Variants in LRRTM4 observed in about 807,000 individuals in gnomAD.
LRRTM4 encodes the protein leucine-rich repeat transmembrane neuronal protein 4.
A neutral mutation model predicts 47.6 loss-of-function variants in LRRTM4; 25 were observed. The observed-to-expected ratio is 0.53, with a 90% CI of 0.38 to 0.73. The LOEUF (loss-of-function observed/expected upper bound fraction) is 0.73. Ranked by LOEUF, LRRTM4 falls within the 30% of genes least tolerant of loss-of-function variation. LRRTM4 has a pLI of 0.00. For synonymous variants in LRRTM4, 311 were observed against 269.5 expected, an observed-to-expected ratio of 1.15 and a Z score of -1.51; for missense variants, 638 against 713.4, an observed-to-expected ratio of 0.89 and a Z score of 1.20.
At chr2:77,360,191 C>T (rs1027129579) in intron 3 of LRRTM4, among the ~76,000 whole-genome samples, 1 of 152,234 alleles carries the variant, frequency 6.6e-6, no homozygotes, top group East Asian at 1.9e-4. Flanking sequence ...GGAACAGTGG[C>T]TCACGCCTGT....
chr2:77,192,538 T>C (rs1015277208), intron 3 of LRRTM4, among the ~76,000 whole-genome samples: 19 of 152,124 alleles, frequency 1.2e-4, no homozygotes, highest in Non-Finnish European at 2.6e-4. Context: ...ATAATTTTTC[T>C]AAAAAATGTA....
intron 3 of LRRTM4, among the ~76,000 whole-genome samples, chr2:77,451,256 C>T (rs1258768282): frequency 6.6e-6 from 1 of 152,158 alleles, no homozygotes; most frequent in Non-Finnish European, 1.5e-5. Flanking sequence ...ATCCACTTTC[C>T]TCCAACAGGG....
At chr2:77,470,987 CT>C (rs1352942426) in intron 3 of LRRTM4, among the ~76,000 whole-genome samples, 2 of 152,080 alleles carry the variant, frequency 1.3e-5, no homozygotes, top group Admixed American at 6.6e-5. Flanking sequence ...GTGATTTTCT[CT>C]AGTGTCTTGG....
intron 3 of LRRTM4, among the ~76,000 whole-genome samples, chr2:77,479,657 C>T (rs1021768966): frequency 5.9e-5 from 9 of 152,152 alleles, no homozygotes; most frequent in Non-Finnish European, 1.2e-4. Flanking sequence ...AGGAATCCTG[C>T]CAATTCTTTG....
intron 3 of LRRTM4, among the ~76,000 whole-genome samples, chr2:76,915,368 T>C (rs1674207658): frequency 6.6e-6 from 1 of 152,210 alleles, no homozygotes; most frequent in Non-Finnish European, 1.5e-5. Flanking sequence ...TGGGTAAAGT[T>C]GTGGCAGTGT....
chr2:77,118,838 T>C (rs535824794), intron 3 of LRRTM4, among the ~76,000 whole-genome samples: 1 of 151,846 alleles, frequency 6.6e-6, no homozygotes, highest in South Asian at 2.1e-4. Context: ...AAAGATCAAG[T>C]GAAAAAATCT....
intron 3 of LRRTM4, among the ~76,000 whole-genome samples, chr2:77,114,771 T>C (rs1671342665): frequency 6.6e-6 from 1 of 152,012 alleles, no homozygotes; most frequent in African/African-American, 2.4e-5. Flanking sequence ...AACCAGCAAG[T>C]TTTTATTAGG....
intron 3 of LRRTM4, among the ~76,000 whole-genome samples, chr2:77,293,404 G>A (rs918527687): frequency 6.6e-6 from 1 of 151,938 alleles, no homozygotes; most frequent in Non-Finnish European, 1.5e-5. Context: ...CAGGAAATGG[G>A]GTAAATGAAC....
At position 77,051,349 on chromosome 2, in the gene LRRTM4, T is replaced by A. The variant is rs141379518; in HGVS notation, c.1552-302433A>T. ...ATAAAAGATAATCATAAAAGCAGGA[T>A]CTGTTTAGGGAGAGGCCAAGTGAGA... is the stretch of plus-strand genomic sequence containing the variant. On this transcript the variant is annotated intron_variant, in intron 3 of 3. Transcript: ENST00000409884. 3.8e-3 allele frequency among the ~76,000 whole-genome samples: 585 copies of A among 152,178 alleles called. 5 individuals are homozygous for A. The highest frequency in any genetic ancestry group is 0.013 in the African/African-American group (551 of 41,532).
At position 77,334,859 on chromosome 2, in the gene LRRTM4, G is replaced by A. The variant is rs577115625; in HGVS notation, c.1551+183459C>T. 7.9e-5 allele frequency among the ~76,000 whole-genome samples: 12 copies of A among 152,282 alleles called. No homozygotes were observed. The South Asian group carries it at 2.5e-3, about 32-fold the overall frequency. On this transcript the variant is annotated intron_variant, in intron 3 of 3. Coordinates refer to ENST00000409884, the MANE Select transcript of LRRTM4 (RefSeq NM_001134745.3). ...TTAGTTTTCTAACCCCCACTGGGCA[G>A]TTGCCCTCATTTTCAAAATAGAAAT...
chr2:77,040,239 C>T (rs1678980621), intron 3 of LRRTM4, among the ~76,000 whole-genome samples: 1 of 150,980 alleles, frequency 6.6e-6, no homozygotes, highest in African/African-American at 2.4e-5. Context: ...TATATTGAAC[C>T]TCCTTATGTT....
At chr2:77,361,962 G>A (rs575445764) in intron 3 of LRRTM4, among the ~76,000 whole-genome samples, 1 of 151,910 alleles carries the variant, frequency 6.6e-6, no homozygotes, top group Non-Finnish European at 1.5e-5. Context: ...GCACATGCCT[G>A]TAGTCCCAAC....
In LRRTM4 at chr2:77,088,627, T is replaced by C. The variant is rs577670204; in HGVS notation, c.1552-339711A>G. Among the ~76,000 whole-genome samples, 1,522 of 152,302 alleles carry C rather than the reference T, an allele frequency of 1.0e-2. 28 individuals carry two copies. Among genetic ancestry groups the C allele is most frequent in the African/African-American group, 0.034 (1,420 of 41,570 alleles). ...ACCCAGGTGAAATAAACAGCCATGTTGCTCACACAAAGCCTGTTTGGTGGT... is the reference window on the plus strand; with the variant it reads ...ACCCAGGTGAAATAAACAGCCATGTCGCTCACACAAAGCCTGTTTGGTGGT... On this transcript the variant is annotated intron_variant, in intron 3 of 3. Transcript: ENST00000409884.
At chr2:77,458,274 A>G (rs996129156) in intron 3 of LRRTM4, among the ~76,000 whole-genome samples, 1 of 152,144 alleles carries the variant, frequency 6.6e-6, no homozygotes, top group Non-Finnish European at 1.5e-5. Flanking sequence ...TTCACTTGCC[A>G]GCATGGAGTA....
chr2:77,359,997 G>GAATT (rs1002577485), intron 3 of LRRTM4, among the ~76,000 whole-genome samples: 22 of 152,122 alleles, frequency 1.4e-4, no homozygotes, highest in African/African-American at 4.3e-4. Context: ...AGTCTTCTCT[G>GAATT]AATTCTTTTT....
intron 3 of LRRTM4, among the ~76,000 whole-genome samples, chr2:77,016,859 G>A (rs1200465011): frequency 6.6e-6 from 1 of 151,806 alleles, no homozygotes; most frequent in Non-Finnish European, 1.5e-5. Context: ...TTGGATATTT[G>A]AAATGATACT....
In LRRTM4 at chr2:76,870,788, G is replaced by A. The variant is rs982982946; in HGVS notation, c.1552-121872C>T. On this transcript the variant is annotated intron_variant, in intron 3 of 3. Coordinates refer to ENST00000409884, the MANE Select transcript of LRRTM4 (RefSeq NM_001134745.3). ...AATGCCATAGAAAGTACATACTTGT[G>A]GTGCAACCCTATGCTTATCATATAA... Among the ~76,000 whole-genome samples the A allele has an allele frequency of 2.6e-5, 4 of 152,084 alleles. No homozygotes were observed. In the East Asian group the frequency reaches 5.8e-4, roughly 22 times the overall value.
At chr2:76,882,651 G>A (rs1672965224) in intron 3 of LRRTM4, among the ~76,000 whole-genome samples, 1 of 152,114 alleles carries the variant, frequency 6.6e-6, no homozygotes, top group Non-Finnish European at 1.5e-5. Context: ...TTGTAAAAAG[G>A]TAAGGCCAGA....
chr2:77,500,830 T>C (rs991016180), intron 3 of LRRTM4, among the ~76,000 whole-genome samples: 49 of 151,634 alleles, frequency 3.2e-4, no homozygotes, highest in African/African-American at 1.1e-3. Flanking sequence ...AGAATCATTT[T>C]AATAAATTAA....
Sources: gnomAD v4.1 joint callset for allele counts (sites outside exome capture counted in the v4.1 genomes callset) on GRCh38, gnomAD v4.1.1 for gene constraint, MANE v1.5 for transcripts, NCBI Gene and HGNC (gene_info 2026-07-23, HGNC 2026-07-21) for gene names.